SLC22A14: variants seen among roughly 807,000 people sequenced by gnomAD.
SLC22A14 encodes organic cation transporter-like 4.
A neutral mutation model predicts 53.9 loss-of-function variants in SLC22A14; 50 were observed. That is an observed-to-expected ratio of 0.93 (90% CI 0.74 to 1.17). The LOEUF (loss-of-function observed/expected upper bound fraction) is 1.17, where lower values mean the gene tolerates loss of function less well. Ranked by LOEUF, SLC22A14 falls within the 50% of genes most tolerant of loss-of-function variation. The probability of loss-of-function intolerance (pLI) is 0.00; values close to 1 mark genes in which losing one functional copy is unlikely to be tolerated. For missense variants in SLC22A14, 671 were observed against 734.7 expected (o/e 0.91, Z 1.00); for synonymous variants, 312 against 303.0 (o/e 1.03, Z -0.31).
chr3:38,306,727 T>G (rs577433703), intron 2 of SLC22A14, among the ~76,000 whole-genome samples, 185 bp downstream of exon 2: 1 of 152,320 alleles, frequency 6.6e-6, no homozygotes, highest in South Asian at 2.1e-4. Context: ...CCTGCCTATC[T>G]ATAGAGTACA....
chr3:38,286,727 T>G (rs902241249), intron 1 of SLC22A14, among the ~76,000 whole-genome samples: 25 of 82,698 alleles, frequency 3.0e-4, no homozygotes, highest in African/African-American at 1.6e-3. Flanking sequence ...TTGTGTGGGT[T>G]TTTTTTTTGT....
intron 5 of SLC22A14, among the ~76,000 whole-genome samples, chr3:38,309,934 G>A (rs1013829081): frequency 7.2e-5 from 11 of 152,154 alleles, no homozygotes; most frequent in Admixed American, 1.3e-4. Context: ...GTGGGGAGGA[G>A]GGAGAACTGA....
chr3:38,313,303 A>T, intron 6 of SLC22A14, 85 bp from the exon 7 acceptor site: 1 of 1,379,298 alleles, frequency 7.3e-7, no homozygotes, highest in Middle Eastern at 2.4e-4. Context: ...ACTTTCAGGG[A>T]CAGGCAGGCC....
chr3:38,293,855 G>A (rs1040113057), intron 1 of SLC22A14, among the ~76,000 whole-genome samples: 11 of 152,084 alleles, frequency 7.2e-5, no homozygotes, highest in African/African-American at 9.7e-5. Context: ...ACCAGAGATC[G>A]CCAAACTCGC....
chr3:38,281,650 A>G (rs1703671242), upstream of SLC22A14, among the ~76,000 whole-genome samples: 1 of 152,188 alleles, frequency 6.6e-6, no homozygotes, highest in Admixed American at 6.5e-5. Flanking sequence ...ACCCAATTAC[A>G]TCTTAAAGGC....
chr3:38,311,247 C>T (rs911545851), intron 5 of SLC22A14, among the ~76,000 whole-genome samples: 4 of 152,264 alleles, frequency 2.6e-5, no homozygotes, highest in African/African-American at 9.6e-5. Context: ...GCTGAAGGTC[C>T]CTCTTTTGAC....
At chr3:38,283,131 C>T (rs539029115) in intron 1 of SLC22A14, among the ~76,000 whole-genome samples, 1 of 152,092 alleles carries the variant, frequency 6.6e-6, no homozygotes, top group Non-Finnish European at 1.5e-5. Flanking sequence ...AAGCCACCGA[C>T]GGCTGCCCAA....
chr3:38,312,105 A>G (rs1033063505), intron 5 of SLC22A14, among the ~76,000 whole-genome samples: 5 of 152,164 alleles, frequency 3.3e-5, no homozygotes, highest in Non-Finnish European at 7.3e-5. Flanking sequence ...GTTTATGGCA[A>G]CCAGCCAGAG....
chr3:38,316,390 C>T lies in SLC22A14; in HGVS notation c.1599C>T (p.Ile533=). The T allele has an allele frequency of 6.2e-7, 1 of 1,614,216 alleles. No individual in the cohort carries two copies. The highest frequency in any genetic ancestry group is 1.1e-5 in the South Asian group (1 of 91,082). ...GAGCCATCTTGTCCCTGACAATCAT[C>T]AGCCAGACCCCCTCCCTCCTGCCCA... The part of the protein sequence containing the change: ...VAGAILSLTI[I]SQTPSLLPIF... The change falls in exon 10 of 11, where the codon ATC becomes ATT. Residue 533 remains isoleucine (I), a synonymous_variant. Coordinates refer to ENST00000448498, the MANE Select transcript of SLC22A14 (RefSeq NM_001320033.2).
chr3:38,291,871 C>T (rs900949058), intron 1 of SLC22A14, among the ~76,000 whole-genome samples: 9 of 152,162 alleles, frequency 5.9e-5, no homozygotes, highest in African/African-American at 7.2e-5. Context: ...CTGGCTATTT[C>T]GCCATACCTG....
intron 5 of SLC22A14, among the ~76,000 whole-genome samples, chr3:38,312,500 C>T (rs1174819027): frequency 6.6e-6 from 1 of 152,132 alleles, no homozygotes; most frequent in Non-Finnish European, 1.5e-5. Flanking sequence ...CTTCACTCAC[C>T]CCTCCATTCA....
intron 10 of SLC22A14, among the ~76,000 whole-genome samples, chr3:38,317,227 G>A (rs75699606): frequency 0.012 from 1,790 of 152,252 alleles, 38 homozygotes; most frequent in African/African-American, 0.041. Context: ...ACTGCCTCTG[G>A]CCTTTCTCTG....
rs200431241 is a variant in SLC22A14, at chr3:38,307,387, C to G, written c.620+30C>G. ...GTCCCCGGGAGTTTCTGCTGGTCCC[C>G]GAGCCATCCCAACTCCTCCTCATGG... On this transcript the variant is annotated intron_variant, in intron 3 of 10. Transcript: ENST00000448498. The surrounding 1 kb of genome is among the most constrained non-coding windows in gnomAD (Gnocchi z 4.4). 1.9e-4 allele frequency: 301 copies of G among 1,575,554 alleles called. 1 individual carries two copies. The Middle Eastern group carries it at 2.3e-3, about 12-fold the overall frequency.
At chr3:38,312,943 C>G in intron 5 of SLC22A14, 56 bp from the exon 6 acceptor site, 3 of 1,558,718 alleles carry the variant, frequency 1.9e-6, no homozygotes, top group Non-Finnish European at 2.6e-6. Flanking sequence ...AGAGGGCCAG[C>G]AGGGGGTCTC....
intron 6 of SLC22A14, 124 bp from the exon 7 acceptor site, chr3:38,313,264 C>G: frequency 1.4e-6 from 2 of 1,433,378 alleles, no homozygotes. Flanking sequence ...AAATTGAACC[C>G]TGCCAGGGAA....
chr3:38,301,658 C>T (rs2125881998), intron 1 of SLC22A14, among the ~76,000 whole-genome samples: 1 of 152,044 alleles, frequency 6.6e-6, no homozygotes, highest in Middle Eastern at 3.4e-3. Context: ...CTGGCTAGGG[C>T]CACCAGTATA....
At chr3:38,279,818 T>C (rs1031325705), upstream of SLC22A14, among the ~76,000 whole-genome samples, 2 of 152,244 alleles carry the variant, frequency 1.3e-5, no homozygotes, top group African/African-American at 2.4e-5. Context: ...CCTCAAAGGT[T>C]ACGGCAATGG....
chr3:38,316,337 G>C lies in SLC22A14; in HGVS notation c.1546G>C (p.Gly516Arg), dbSNP rs1421638422. 6.2e-7 allele frequency: 1 copy of C among 1,614,006 alleles called. No homozygotes were observed. The highest frequency in any genetic ancestry group is 8.5e-7 in the Non-Finnish European group (1 of 1,180,038). Residue 516 changes from glycine (G) to arginine (R), a missense_variant, in exon 10 of 11, where the codon GGG becomes CGG. Physicochemically the swap from Gly to Arg is moderately radical, Grantham distance 125. Coordinates refer to ENST00000448498, the MANE Select transcript of SLC22A14 (RefSeq NM_001320033.2). ...LPTVLRATGL[G>R]LVSLASVAGA... is the part of the protein sequence containing the mutation. The stretch of plus-strand genomic sequence containing the variant: ...CTCCACTTTCAGGGCGACAGGTCTG[G>C]GGCTGGTGTCTCTGGCCTCGGTGGC...
rs1443538273 is a variant in SLC22A14 at position 38,308,882 on chromosome 3, C to A, written c.776-72C>A. On this transcript the variant is annotated intron_variant, in intron 4 of 10. Transcript: ENST00000448498. The stretch of plus-strand genomic sequence containing the variant: ...GTCCAGAGCAGGTGGGGACACCCAG[C>A]AAGGCTGGATGCAAGGGCAGCCCTG... The A allele has an allele frequency of 3.5e-6, 5 of 1,431,582 alleles. No individual in the cohort carries two copies. The Admixed American group carries it at 8.7e-5, about 25-fold the overall frequency. 88.7% of individuals were successfully genotyped at this position (1,431,582 alleles called of 1,614,324 possible).
Sources: allele counts gnomAD v4.1 joint callset (sites outside exome capture counted in the v4.1 genomes callset), GRCh38; gene constraint gnomAD v4.1.1; non-coding constraint Gnocchi (gnomAD v3.1); transcripts MANE v1.5; gene names NCBI Gene and HGNC (gene_info 2026-07-23, HGNC 2026-07-21).